Variants in SLCO3A1 observed in about 807,000 individuals in gnomAD.
The protein encoded by SLCO3A1 is solute carrier organic anion transporter family member 3A1.
A neutral mutation model predicts 63.1 loss-of-function variants in SLCO3A1; 27 were observed. The ratio of observed to expected loss-of-function variants is 0.43; its 90% CI spans 0.32 to 0.59. The LOEUF is 0.59. Ranked by LOEUF, SLCO3A1 falls within the 20% of genes least tolerant of loss-of-function variation. The pLI is 0.09. For missense variants in SLCO3A1, 773 were observed against 945.8 expected (o/e 0.82, Z 2.40); for synonymous variants, 473 against 409.9 (o/e 1.15, Z -1.86).
rs140210973 is a variant in SLCO3A1 at position 91,968,649 on chromosome 15, A to G, written c.646+52191A>G. 6.6e-6 allele frequency among the ~76,000 whole-genome samples: 1 copy of G among 152,258 alleles called. No individual in the cohort carries two copies. Among genetic ancestry groups the G allele is most frequent in the East Asian group, 1.9e-4 (1 of 5,166 alleles). ...GACCCCTGCTTCCATGTGAAGCTTC[A>G]TTCCCCAACCCATTCTTCAGACAGA... On this transcript the variant is annotated intron_variant, in intron 2 of 9. Transcript: ENST00000318445. The surrounding 1 kb of genome is among the most constrained non-coding windows in gnomAD (Gnocchi z 4.2).
In SLCO3A1 at chr15:91,992,340, G is replaced by A. The variant is rs185819617; in HGVS notation, c.646+75882G>A. Among the ~76,000 whole-genome samples the A allele has an allele frequency of 5.8e-4, 88 of 152,268 alleles. 1 individual carries two copies. Among genetic ancestry groups the A allele is most frequent in the East Asian group, 1.7e-3 (9 of 5,186 alleles). ...TGAGCACTTCCACCCAATATTTACCGGCTTTCACTGCACATTCATACTGGG... is the reference window on the plus strand; with the variant it reads ...TGAGCACTTCCACCCAATATTTACCAGCTTTCACTGCACATTCATACTGGG... On this transcript the variant is annotated intron_variant, in intron 2 of 9. Transcript: ENST00000318445.
intron 2 of SLCO3A1, among the ~76,000 whole-genome samples, chr15:92,072,135 A>G (rs543019534): frequency 6.6e-6 from 1 of 151,944 alleles, no homozygotes; most frequent in Non-Finnish European, 1.5e-5. Context: ...ATGGTGCAAA[A>G]TGGAGGCCTT....
chr15:92,035,641 G>A (rs534558412), intron 2 of SLCO3A1, among the ~76,000 whole-genome samples: 5 of 151,668 alleles, frequency 3.3e-5, no homozygotes, highest in African/African-American at 4.8e-5. Flanking sequence ...AATTGCAACC[G>A]TGAAGTGGCT....
At position 91,875,534 on chromosome 15, in the gene SLCO3A1, CA is replaced by C. The variant is rs1401802652; in HGVS notation, c.180+21447del. 6.6e-6 allele frequency among the ~76,000 whole-genome samples: 1 copy of C among 152,236 alleles called. No individual in the cohort carries two copies. Among genetic ancestry groups the C allele is most frequent in the East Asian group, 1.9e-4 (1 of 5,194 alleles). On this transcript the variant is annotated intron_variant, in intron 1 of 9. Transcript: ENST00000318445. This position sits in a 1 kb window ranked among gnomAD's most constrained non-coding sequence, Gnocchi z 4.5. Reference sequence around the variant, plus strand: ...TTGGAGATGATTAAAGTACCTGCCACAGAGGGCTCTCCTGAGCGTGAAAGGA... The same window carrying C: ...TTGGAGATGATTAAAGTACCTGCCACGAGGGCTCTCCTGAGCGTGAAAGGA...
intron 2 of SLCO3A1, among the ~76,000 whole-genome samples, chr15:92,075,872 G>A (rs989824209): frequency 6.6e-6 from 1 of 152,198 alleles, no homozygotes; most frequent in African/African-American, 2.4e-5. Context: ...GTGAGTGAGT[G>A]TTTTTGTCCA....
chr15:92,113,000 A>G (rs911462311), intron 4 of SLCO3A1, among the ~76,000 whole-genome samples: 2 of 152,164 alleles, frequency 1.3e-5, no homozygotes, highest in Non-Finnish European at 2.9e-5. Flanking sequence ...CACTCTCCCA[A>G]AGAAGGTTCT....
In SLCO3A1 at chr15:91,863,416, G is replaced by T. The variant is rs551439046; in HGVS notation, c.180+9328G>T. 6.6e-6 allele frequency among the ~76,000 whole-genome samples: 1 copy of T among 152,250 alleles called. No homozygotes were observed. The highest frequency in any genetic ancestry group is 1.5e-5 in the Non-Finnish European group (1 of 68,050). ...CGAGGTTGCTCGTGCAGTGTAGTGG[G>T]ATGGCCGTGAGTACAACCACTGCCG... is the stretch of plus-strand genomic sequence containing the variant. On this transcript the variant is annotated intron_variant, in intron 1 of 9. Transcript: ENST00000318445. The surrounding 1 kb of genome is among the most constrained non-coding windows in gnomAD (Gnocchi z 4.3).
In SLCO3A1 at chr15:91,941,471, C is replaced by A; in HGVS notation, c.646+25013C>A. The A allele has an allele frequency of 2.2e-6, 1 of 451,208 alleles. No homozygotes were observed. The highest frequency in any genetic ancestry group is 4.4e-6 in the Non-Finnish European group (1 of 225,138). 28.0% of individuals were successfully genotyped at this position (451,208 alleles called of 1,614,324 possible). A position where few individuals can be genotyped will look rare whatever the true frequency, so the allele number is the denominator to read the frequency against. ...TGGTTCCTTTGGCCTTAGGGAAGGA[C>A]AAACTTCAACTCTGAGCCTTGATTG... On this transcript the variant is annotated intron_variant, in intron 2 of 9. Transcript: ENST00000318445. The surrounding 1 kb of genome is among the most constrained non-coding windows in gnomAD (Gnocchi z 4.4).
chr15:91,863,204 T>C lies in SLCO3A1; in HGVS notation c.180+9116T>C, dbSNP rs562634582. Among the ~76,000 whole-genome samples, 20 of 152,330 alleles carry C rather than the reference T, an allele frequency of 1.3e-4. No homozygotes were observed. The highest frequency in any genetic ancestry group is 4.3e-4 in the African/African-American group (18 of 41,572). On this transcript the variant is annotated intron_variant, in intron 1 of 9. Coordinates refer to ENST00000318445, the MANE Select transcript of SLCO3A1 (RefSeq NM_013272.4). This position sits in a 1 kb window ranked among gnomAD's most constrained non-coding sequence, Gnocchi z 4.3. ...GGGGCTGATTAATCTCTTTGTTGGC[T>C]TTTGGGTCAGAGAATTGTTTAAAGT...
chr15:91,861,949 T>A (rs2141839345), intron 1 of SLCO3A1, among the ~76,000 whole-genome samples: 1 of 151,118 alleles, frequency 6.6e-6, no homozygotes, highest in African/African-American at 2.4e-5. Context: ...CAAGCCCTAC[T>A]TTTTTCAGTG....
intron 2 of SLCO3A1, among the ~76,000 whole-genome samples, chr15:91,980,802 T>C (rs1050979877): frequency 6.6e-6 from 1 of 152,116 alleles, no homozygotes; most frequent in Non-Finnish European, 1.5e-5. Context: ...TCTACTTCTG[T>C]GCAAGCTGAA....
intron 2 of SLCO3A1, among the ~76,000 whole-genome samples, chr15:92,058,379 G>A (rs2047046606): frequency 6.6e-6 from 1 of 152,020 alleles, no homozygotes; most frequent in Non-Finnish European, 1.5e-5. Flanking sequence ...CTTTTATTCT[G>A]TAAGTTAAAA....
At position 91,862,327 on chromosome 15, in the gene SLCO3A1, A is replaced by AT. The variant is rs1024536246; in HGVS notation, c.180+8247dup. ...TACCACCACTCGGCTAATTTTTTGT[A>AT]TTTTTTTTAGTGGAGACGGGGTTTC... On this transcript the variant is annotated intron_variant, in intron 1 of 9. Coordinates refer to ENST00000318445, the MANE Select transcript of SLCO3A1 (RefSeq NM_013272.4). The surrounding 1 kb of genome is among the most constrained non-coding windows in gnomAD (Gnocchi z 4.0). Among the ~76,000 whole-genome samples, 16 of 150,948 alleles carry AT rather than the reference A, an allele frequency of 1.1e-4. No individual in the cohort carries two copies. The highest frequency in any genetic ancestry group is 4.2e-4 in the South Asian group (2 of 4,748).
In SLCO3A1 at chr15:92,165,544, AT is replaced by A; in HGVS notation, c.*2417del. The A allele has an allele frequency of 2.0e-6, 2 of 983,694 alleles. No individual in the cohort carries two copies. The highest frequency in any genetic ancestry group is 2.4e-6 in the Non-Finnish European group (2 of 828,624). 60.9% of individuals were successfully genotyped at this position (983,694 alleles called of 1,614,324 possible). On this transcript the variant is annotated 3_prime_UTR_variant, in exon 10 of 10. Coordinates refer to ENST00000318445, the MANE Select transcript of SLCO3A1 (RefSeq NM_013272.4). Reference sequence around the variant, plus strand: ...GTTTTTTAAACTCTTTGCATTTTGGATTTTTTTTCCTAAGATTTTAGGATGA... The same window carrying A: ...GTTTTTTAAACTCTTTGCATTTTGGATTTTTTTCCTAAGATTTTAGGATGA...
At chr15:91,858,699 G>A (rs375164998) in intron 1 of SLCO3A1, among the ~76,000 whole-genome samples, 1 of 152,190 alleles carries the variant, frequency 6.6e-6, no homozygotes, top group Non-Finnish European at 1.5e-5. Flanking sequence ...TGCTGGAATC[G>A]TGTTTTCTGT....
chr15:91,884,537 G>A (rs111460913), intron 1 of SLCO3A1, among the ~76,000 whole-genome samples: 1,841 of 150,476 alleles, frequency 0.012, 40 homozygotes, highest in African/African-American at 0.043. Context: ...AAAAGGTGGA[G>A]GGGAGCATTC....
chr15:92,002,090 T>C (rs2046262195), intron 2 of SLCO3A1, among the ~76,000 whole-genome samples: 1 of 152,168 alleles, frequency 6.6e-6, no homozygotes, highest in African/African-American at 2.4e-5. Context: ...TGAATCCATA[T>C]TGAGCCCTTA....
At chr15:92,140,758 A>T (rs1025811665) in intron 7 of SLCO3A1, among the ~76,000 whole-genome samples, 5 of 152,054 alleles carry the variant, frequency 3.3e-5, no homozygotes, top group African/African-American at 9.7e-5. Flanking sequence ...TCTTTTGATC[A>T]TTGTTGGTTT....
intron 1 of SLCO3A1, 116 bp from the exon 2 acceptor site, chr15:91,915,877 G>A: frequency 2.4e-6 from 2 of 823,888 alleles, no homozygotes; most frequent in Admixed American, 2.3e-5. Context: ...CCTGGCACCG[G>A]AGGCCAGGTG....
Sources: allele counts gnomAD v4.1 joint callset (sites outside exome capture counted in the v4.1 genomes callset), GRCh38; gene constraint gnomAD v4.1.1; non-coding constraint Gnocchi (gnomAD v3.1); transcripts MANE v1.5; gene names NCBI Gene and HGNC (gene_info 2026-07-23, HGNC 2026-07-21).